Variants in MAPKAP1 observed in about 807,000 individuals in gnomAD.
MAPKAP1 encodes the protein MAPK associated protein 1.
A neutral mutation model predicts 65.7 loss-of-function variants in MAPKAP1; 20 were observed. The ratio of observed to expected loss-of-function variants is 0.30; its 90% confidence interval spans 0.21 to 0.44. MAPKAP1 has a LOEUF of 0.44. MAPKAP1 is among the 20% of genes least tolerant of loss of function. The pLI, the probability that MAPKAP1 is intolerant of heterozygous loss-of-function variation, is 1.00. For synonymous variants in MAPKAP1, 222 were observed against 244.3 expected (o/e 0.91, Z 0.85); for missense variants, 423 against 648.0 (o/e 0.65, Z 3.77).
At chr9:125,494,657 C>T (rs1487420049) in intron 8 of MAPKAP1, among the ~76,000 whole-genome samples, 1 of 152,204 alleles carries the variant, frequency 6.6e-6, no homozygotes, top group Non-Finnish European at 1.5e-5. Context: ...TCAGCACACT[C>T]TCCCTCATTC....
At chr9:125,662,361 G>C (rs1475336286) in intron 3 of MAPKAP1, among the ~76,000 whole-genome samples, 1 of 152,172 alleles carries the variant, frequency 6.6e-6, no homozygotes, top group African/African-American at 2.4e-5. Context: ...TAGCCCCGGT[G>C]AGAGTGCAAG....
intron 10 of MAPKAP1, among the ~76,000 whole-genome samples, chr9:125,452,006 C>A (rs543956591): frequency 6.7e-6 from 1 of 149,716 alleles, no homozygotes; most frequent in Non-Finnish European, 1.5e-5. Flanking sequence ...GACGGGGTTT[C>A]GCCATGTTGG....
chr9:125,698,162 G>A (rs774747247), intron 1 of MAPKAP1, among the ~76,000 whole-genome samples: 33 of 146,446 alleles, frequency 2.3e-4, no homozygotes, highest in Middle Eastern at 3.6e-3. Context: ...CTCTCTATAC[G>A]TATATACAAA....
chr9:125,537,842 G>C (rs191627841), intron 7 of MAPKAP1, among the ~76,000 whole-genome samples: 12 of 152,238 alleles, frequency 7.9e-5, no homozygotes, highest in African/African-American at 2.9e-4. Flanking sequence ...TATCTGGCAT[G>C]AAAGTAAGGC....
chr9:125,482,146 A>AG (rs1475482492), intron 9 of MAPKAP1, among the ~76,000 whole-genome samples: 25 of 113,866 alleles, frequency 2.2e-4, no homozygotes, highest in East Asian at 2.1e-3. Context: ...AAAAAAAAAA[A>AG]AAAAGAAGAA....
chr9:125,624,789 GA>G (rs1412602865), intron 4 of MAPKAP1, among the ~76,000 whole-genome samples: 7 of 85,854 alleles, frequency 8.2e-5, no homozygotes, highest in Non-Finnish European at 1.7e-4. Context: ...CGGCTTTGTG[GA>G]ATAGAAAGGC....
At chr9:125,618,871 C>A (rs1832818837) in intron 4 of MAPKAP1, among the ~76,000 whole-genome samples, 1 of 152,134 alleles carries the variant, frequency 6.6e-6, no homozygotes, top group Non-Finnish European at 1.5e-5. Flanking sequence ...GTGGCTCATG[C>A]CTGGAATATC....
At chr9:125,489,840 A>G (rs1854635211) in intron 8 of MAPKAP1, among the ~76,000 whole-genome samples, 1 of 152,332 alleles carries the variant, frequency 6.6e-6, no homozygotes, top group South Asian at 2.1e-4. Flanking sequence ...AACATGGAAT[A>G]TAAGAGTACA....
chr9:125,629,707 C>T lies in MAPKAP1; in HGVS notation c.498+27944G>A, dbSNP rs145070761. Among the ~76,000 whole-genome samples, 53 of 152,286 alleles carry T rather than the reference C, an allele frequency of 3.5e-4. 1 individual carries two copies. The East Asian group carries it at 0.01, about 29-fold the overall frequency. ...GTTGACAGCAACGTACATATAGTTA[C>T]TACCATATTGAACACTTAACATTGG... is the stretch of plus-strand genomic sequence containing the variant. On this transcript the variant is annotated intron_variant, in intron 4 of 11. Coordinates refer to ENST00000265960, the MANE Select transcript of MAPKAP1 (RefSeq NM_001006617.3).
intron 7 of MAPKAP1, among the ~76,000 whole-genome samples, chr9:125,530,886 A>T (rs1315557564): frequency 2.0e-5 from 3 of 152,248 alleles, no homozygotes; most frequent in African/African-American, 7.2e-5. Flanking sequence ...TGATAGTGGC[A>T]ATAGGGATGA....
chr9:125,572,921 G>C (rs1369889588), intron 5 of MAPKAP1: 1 of 152,230 alleles, frequency 6.6e-6, no homozygotes. Context: ...AAACTCAAGA[G>C]TTATGAATGG....
At chr9:125,479,490 G>T (rs534776765) in intron 9 of MAPKAP1, among the ~76,000 whole-genome samples, 639 of 151,388 alleles carry the variant, frequency 4.2e-3, no homozygotes, top group Non-Finnish European at 6.8e-3. Flanking sequence ...TGAGGCAGAA[G>T]AATTGCTTGA....
chr9:125,528,251 C>T (rs1829829823), intron 7 of MAPKAP1, among the ~76,000 whole-genome samples: 1 of 152,212 alleles, frequency 6.6e-6, no homozygotes, highest in African/African-American at 2.4e-5. Flanking sequence ...GCCTAAGTGG[C>T]TGAGGGATAC....
intron 10 of MAPKAP1, among the ~76,000 whole-genome samples, chr9:125,454,238 C>G (rs1853074877): frequency 6.6e-6 from 1 of 152,180 alleles, no homozygotes; most frequent in Admixed American, 6.5e-5. Flanking sequence ...TAGTAAAATA[C>G]CACACTGCAT....
intron 6 of MAPKAP1, among the ~76,000 whole-genome samples, chr9:125,551,041 G>A (rs781194756): frequency 5.9e-5 from 9 of 152,030 alleles, no homozygotes; most frequent in African/African-American, 9.7e-5. Flanking sequence ...AGTGAATTGC[G>A]TATAAGAAAC....
chr9:125,563,281 CA>C (rs1830946706), intron 5 of MAPKAP1, among the ~76,000 whole-genome samples: 1 of 152,190 alleles, frequency 6.6e-6, no homozygotes, highest in Non-Finnish European at 1.5e-5. Flanking sequence ...TCAGAGTTTA[CA>C]ACACAATGGA....
chr9:125,513,859 T>C (rs1829382182), intron 7 of MAPKAP1, among the ~76,000 whole-genome samples: 1 of 152,064 alleles, frequency 6.6e-6, no homozygotes, highest in African/African-American at 2.4e-5. Context: ...GCAGGGTGCA[T>C]ATCTATTTAA....
intron 7 of MAPKAP1, among the ~76,000 whole-genome samples, chr9:125,533,744 C>T (rs573595471): frequency 3.2e-4 from 49 of 152,266 alleles, no homozygotes; most frequent in African/African-American, 9.9e-4. Context: ...CCACTACGCT[C>T]GGCCAGGCAT....
intron 4 of MAPKAP1, among the ~76,000 whole-genome samples, chr9:125,590,861 C>T (rs1831938507): frequency 6.6e-6 from 1 of 151,980 alleles, no homozygotes; most frequent in Non-Finnish European, 1.5e-5. Flanking sequence ...GCAACCTCCA[C>T]CTCCCAGGTT....
Sources: allele counts gnomAD v4.1 joint callset (sites outside exome capture counted in the v4.1 genomes callset), GRCh38; gene constraint gnomAD v4.1.1; transcripts MANE v1.5; gene names NCBI Gene and HGNC (gene_info 2026-07-23, HGNC 2026-07-21).